The following CYB561 variants were observed in gnomAD, a reference collection of about 807,000 sequenced individuals.
The protein encoded by CYB561 is transmembrane ascorbate-dependent reductase CYB561.
In CYB561, 11 loss-of-function variants were observed where a neutral mutation model predicts 25.3. The ratio of observed to expected loss-of-function variants is 0.44; its 90% CI spans 0.27 to 0.72. The LOEUF (loss-of-function observed/expected upper bound fraction) is 0.72, where lower values mean the gene tolerates loss of function less well. CYB561 is among the 30% of genes least tolerant of loss of function. CYB561 has a pLI of 0.18. For synonymous variants in CYB561, 165 were observed against 158.8 expected, an observed-to-expected ratio of 1.04 and a Z score of -0.29; for missense variants, 295 against 334.9, an observed-to-expected ratio of 0.88 and a Z score of 0.93.
rs1307596351 is a variant in CYB561 at position 63,436,465 on chromosome 17, G to A, written c.203-313C>T. On this transcript the variant is annotated intron_variant, in intron 2 of 5. Coordinates refer to ENST00000360793, the MANE Select transcript of CYB561 (RefSeq NM_001915.4). The surrounding 1 kb of genome is among the most constrained non-coding windows in gnomAD (Gnocchi z 4.8). ...CCCACCACCAGGACAGGCAGTGAAG[G>A]CAGCGCCTCTGCCCTCGTCCCCACC... 1 of 296,338 alleles carries A rather than the reference G, an allele frequency of 3.4e-6. No homozygotes were observed. The highest frequency in any genetic ancestry group is 7.0e-5 in the East Asian group (1 of 14,348). 18.4% of individuals were successfully genotyped at this position (296,338 alleles called of 1,614,324 possible). A position where few individuals can be genotyped will look rare whatever the true frequency, so the allele number is the denominator to read the frequency against.
rs917767351 is a variant in CYB561, at chr17:63,433,864, C to T, written c.*538G>A. The T allele has an allele frequency of 1.2e-5, 2 of 171,308 alleles. No individual in the cohort carries two copies. Among genetic ancestry groups the T allele is most frequent in the African/African-American group, 4.7e-5 (2 of 42,232 alleles). 10.6% of individuals were successfully genotyped at this position (171,308 alleles called of 1,614,324 possible). A position where few individuals can be genotyped will look rare whatever the true frequency, so the allele number is the denominator to read the frequency against. On this transcript the variant is annotated 3_prime_UTR_variant, in exon 6 of 6. Coordinates refer to ENST00000360793, the MANE Select transcript of CYB561 (RefSeq NM_001915.4). ...CAGAGCTTCCCAGGGGCCAGTCCCT[C>T]CCCTCTCCTGGGGAACCTTGCTTTC...
At chr17:63,434,790 G>C (rs1004962863) in intron 5 of CYB561, among the ~76,000 whole-genome samples, 196 bp from the exon 6 acceptor site, 8 of 152,178 alleles carry the variant, frequency 5.3e-5, no homozygotes, top group African/African-American at 1.9e-4. Flanking sequence ...AAAAGAGATG[G>C]GCAATGTAAA....
chr17:63,437,643 AAGATGCGCACAGGCCCCCCG>A, intron 1 of CYB561, 83 bp from the exon 2 acceptor site: 1 of 859,558 alleles, frequency 1.2e-6, no homozygotes, highest in Non-Finnish European at 1.5e-6. Flanking sequence ...ACAGCCCCCC[AAGATGCGCACAGGCCCCCCG>A]AGATGTACAC....
Position 63,437,510 on chromosome 17 carries a change from A to T in CYB561, c.38T>A (p.Leu13Gln). The change falls in exon 2 of 6, where the codon CTG becomes CAG. Residue 13 changes from leucine (L) to glutamine (Q), a missense_variant. Coordinates refer to ENST00000360793, the MANE Select transcript of CYB561 (RefSeq NM_001915.4). ...GGAAAATPTALPYYVAFSQLL... is the reference protein window; with the variant it reads ...GGAAAATPTAQPYYVAFSQLL... ...CTGGGAGAAGGCCACGTAGTAAGGCAGTGCTGTGGGGGTGGCTGCCGCGGC... is the reference window on the plus strand; with the variant it reads ...CTGGGAGAAGGCCACGTAGTAAGGCTGTGCTGTGGGGGTGGCTGCCGCGGC... 1 of 1,613,252 alleles carries T rather than the reference A, an allele frequency of 6.2e-7. No individual in the cohort carries two copies. The highest frequency in any genetic ancestry group is 1.7e-5 in the Admixed American group (1 of 60,012).
Position 63,435,718 on chromosome 17 carries a change from C to A in CYB561, c.375G>T (p.Gly125=). 1.2e-6 allele frequency: 2 copies of A among 1,614,220 alleles called. No homozygotes were observed. The highest frequency in any genetic ancestry group is 1.7e-6 in the Non-Finnish European group (2 of 1,180,028). Residue 125 remains glycine (G), a synonymous_variant, in exon 4 of 6, where the codon GGG becomes GGT. Transcript: ENST00000360793. ...CAAAGTACAGGACAAAGACAAGGAT[C>A]CCGCACCAGCTGTGTAGGCTGTACA... ...ADLYSLHSWC[G]ILVFVLYFVQ...
intron 1 of CYB561, among the ~76,000 whole-genome samples, chr17:63,442,503 G>A (rs2049384578): frequency 6.6e-6 from 1 of 152,160 alleles, no homozygotes. Context: ...TCACTGGGCA[G>A]CCCTGGGACA....
rs1019118504 is a variant in CYB561, at chr17:63,433,387, T to C, written c.*1015A>G. 5.0e-6 allele frequency: 2 copies of C among 398,638 alleles called. No homozygotes were observed. The allele number at this position is 398,638 out of a possible 1,614,324, so 24.7% of individuals were successfully genotyped here. Reference sequence around the variant, plus strand: ...ATGTGCAGACACCACGGGGGATGACTGTAGTTGTTCTGACTCCATCCTGAC... The same window carrying C: ...ATGTGCAGACACCACGGGGGATGACCGTAGTTGTTCTGACTCCATCCTGAC... On this transcript the variant is annotated 3_prime_UTR_variant, in exon 6 of 6. Coordinates refer to ENST00000360793, the MANE Select transcript of CYB561 (RefSeq NM_001915.4).
chr17:63,443,331 T>C (rs2147502676), intron 1 of CYB561, among the ~76,000 whole-genome samples: 1 of 152,188 alleles, frequency 6.6e-6, no homozygotes, highest in East Asian at 1.9e-4. Context: ...GAGAAGGCAT[T>C]ACAGGAGGGT....
In CYB561 at chr17:63,438,326, G is replaced by A. The variant is rs1367186805; in HGVS notation, c.-13-766C>T. On this transcript the variant is annotated intron_variant, in intron 1 of 5. Coordinates refer to ENST00000360793, the MANE Select transcript of CYB561 (RefSeq NM_001915.4). ...AGGGGCTGGTCACACCTTTTCTCCA[G>A]ACGCGTCATGAAGTACATCTCGGGA... is the stretch of plus-strand genomic sequence containing the variant. The A allele has an allele frequency of 3.4e-6, 3 of 881,948 alleles. No individual in the cohort carries two copies. The African/African-American group carries it at 5.1e-5, about 15-fold the overall frequency. 54.6% of individuals were successfully genotyped at this position (881,948 alleles called of 1,614,324 possible). A position where few individuals can be genotyped will look rare whatever the true frequency, so the allele number is the denominator to read the frequency against.
At chr17:63,441,855 G>C (rs150320117) in intron 1 of CYB561, among the ~76,000 whole-genome samples, 2 of 152,184 alleles carry the variant, frequency 1.3e-5, no homozygotes, top group Non-Finnish European at 1.5e-5. Context: ...GTCCTCCTGC[G>C]TCCTCCCCGC....
chr17:63,438,561 C>T (rs1421384718), intron 1 of CYB561, among the ~76,000 whole-genome samples: 1 of 151,948 alleles, frequency 6.6e-6, no homozygotes, highest in Non-Finnish European at 1.5e-5. Context: ...GGACAGGGCA[C>T]TTCCCCTCCA....
At chr17:63,445,529 G>A (rs966653803) in intron 1 of CYB561, among the ~76,000 whole-genome samples, 1 of 147,808 alleles carries the variant, frequency 6.8e-6, no homozygotes, top group South Asian at 2.2e-4. Flanking sequence ...AGAAGTCTGG[G>A]AAGGGGACCC....
intron 4 of CYB561, 47 bp downstream of exon 4, chr17:63,435,641 A>G (rs757310685): frequency 2.0e-6 from 3 of 1,489,040 alleles, no homozygotes; most frequent in Non-Finnish European, 2.8e-6. Flanking sequence ...TCCTCCTCCC[A>G]CCTCCCTGGT....
rs11324325 is a variant in CYB561 at position 63,444,012 on chromosome 17, ATT to A, written c.-14+2231_-14+2232del. On this transcript the variant is annotated intron_variant, in intron 1 of 5. Transcript: ENST00000360793. Reference sequence around the variant, plus strand: ...CAGTTGTAAAATATAATTTTTATTAATTTTTTTTTTTTTGAGGCTGGAGTGCA... The same window carrying A: ...CAGTTGTAAAATATAATTTTTATTAATTTTTTTTTTTGAGGCTGGAGTGCA... Among the ~76,000 whole-genome samples the A allele has an allele frequency of 3.9e-3, 575 of 148,246 alleles. 7 individuals are homozygous for A. Among genetic ancestry groups the A allele is most frequent in the African/African-American group, 0.013 (545 of 40,570 alleles).
At chr17:63,441,067 T>G (rs2049370477) in intron 1 of CYB561, among the ~76,000 whole-genome samples, 1 of 152,202 alleles carries the variant, frequency 6.6e-6, no homozygotes. Context: ...TGCCCACTCC[T>G]TCCTTCCCAC....
At position 63,446,229 on chromosome 17, in the gene CYB561, C is replaced by A. The variant is rs2049422607; in HGVS notation, c.-14+16G>T. The A allele has an allele frequency of 6.6e-6, 1 of 152,066 alleles. No individual in the cohort carries two copies. Among genetic ancestry groups the A allele is most frequent in the Non-Finnish European group, 1.5e-5 (1 of 68,032 alleles). The allele number at this position is 152,066 out of a possible 1,614,324, so 9.4% of individuals were successfully genotyped here. A position where few individuals can be genotyped will look rare whatever the true frequency, so the allele number is the denominator to read the frequency against. On this transcript the variant is annotated intron_variant, in intron 1 of 5. Coordinates refer to ENST00000360793, the MANE Select transcript of CYB561 (RefSeq NM_001915.4). ...CCCCTGCGCGCTCCGCTCCCACCCC[C>A]AGCCCGGCCTCCTACCTTGCCTACC...
chr17:63,434,323 G>A lies in CYB561; in HGVS notation c.*79C>T, dbSNP rs573236144. 3.9e-5 allele frequency: 51 copies of A among 1,322,414 alleles called. No individual in the cohort carries two copies. In the Admixed American group the frequency reaches 5.9e-4, roughly 15 times the overall value. The allele number at this position is 1,322,414 out of a possible 1,614,324, so 81.9% of individuals were successfully genotyped here. A position where few individuals can be genotyped will look rare whatever the true frequency, so the allele number is the denominator to read the frequency against. On this transcript the variant is annotated 3_prime_UTR_variant, in exon 6 of 6. Transcript: ENST00000360793. ...CCGCCTGCTGCCAGAGCCACTCTCC[G>A]GAGCCTGCAGTCCTGAAGACGCCTC... is the stretch of plus-strand genomic sequence containing the variant.
chr17:63,437,612 G>C, intron 1 of CYB561, 52 bp from the exon 2 acceptor site: 1 of 1,468,844 alleles, frequency 6.8e-7, no homozygotes, highest in Non-Finnish European at 9.2e-7. Context: ...CCCGAGATGC[G>C]CACAGCCCCC....
rs569670659 is a variant in CYB561 at position 63,439,750 on chromosome 17, G to A, written c.-13-2190C>T. Among the ~76,000 whole-genome samples, 21 of 152,266 alleles carry A rather than the reference G, an allele frequency of 1.4e-4. No individual in the cohort carries two copies. In the South Asian group the frequency reaches 3.9e-3, roughly 29 times the overall value. Reference sequence around the variant, plus strand: ...TCTAACCTGCTTTTTAACTGAGGGCGTAGCACACATGGATGTTTGTGTCAA... The same window carrying A: ...TCTAACCTGCTTTTTAACTGAGGGCATAGCACACATGGATGTTTGTGTCAA... On this transcript the variant is annotated intron_variant, in intron 1 of 5. Transcript: ENST00000360793.
Sources: allele counts gnomAD v4.1 joint callset (sites outside exome capture counted in the v4.1 genomes callset), GRCh38; gene constraint gnomAD v4.1.1; non-coding constraint Gnocchi (gnomAD v3.1); transcripts MANE v1.5; gene names NCBI Gene and HGNC (gene_info 2026-07-23, HGNC 2026-07-21).